IL22RA1: variants seen among roughly 807,000 people sequenced by gnomAD.
The protein encoded by IL22RA1 is interleukin-22 receptor subunit alpha-1.
Under a neutral mutation model 32.8 loss-of-function variants are expected in IL22RA1, and 25 were observed. The ratio of observed to expected loss-of-function variants is 0.76; its 90% CI spans 0.55 to 1.06. IL22RA1 has a LOEUF of 1.06. Ranked by LOEUF, IL22RA1 falls within the 50% of genes least tolerant of loss-of-function variation. IL22RA1 has a pLI of 0.00. For missense variants in IL22RA1, 709 were observed against 727.4 expected, an observed-to-expected ratio of 0.97 and a Z score of 0.29; for synonymous variants, 305 against 305.0, an observed-to-expected ratio of 1.00 and a Z score of 0.00.
At chr1:24,122,382 TG>T (rs1291471799) in intron 6 of IL22RA1, among the ~76,000 whole-genome samples, 1 of 99,452 alleles carries the variant, frequency 1.0e-5, no homozygotes, top group Non-Finnish European at 2.0e-5. Context: ...ATTTTTTGGG[TG>T]GGGGGTGGTT....
At position 24,119,781 on chromosome 1, in the gene IL22RA1, C is replaced by T. The variant is rs72648564; in HGVS notation, c.*1024G>A. 15,969 of 152,290 alleles carry T rather than the reference C, an allele frequency of 0.1. 1,004 individuals carry two copies. Among genetic ancestry groups the T allele is most frequent in the African/African-American group, 0.17 (7,135 of 41,546 alleles). The allele number at this position is 152,290 out of a possible 1,614,324, so 9.4% of individuals were successfully genotyped here. ...AAAAATCACAACAGGAAATAGCTAC[C>T]GTTTATTGGGCACTGCCCATGTACC... On this transcript the variant is annotated 3_prime_UTR_variant, in exon 7 of 7. Coordinates refer to ENST00000270800, the MANE Select transcript of IL22RA1 (RefSeq NM_021258.4).
intron 3 of IL22RA1, 44 bp downstream of exon 3, chr1:24,137,087 C>A: frequency 6.3e-7 from 1 of 1,583,228 alleles, no homozygotes; most frequent in Non-Finnish European, 8.6e-7. Flanking sequence ...AACACCTGCG[C>A]TTTCCTCTTC....
rs1452741661 is a variant in IL22RA1 at position 24,120,175 on chromosome 1, A to G, written c.*630T>C. On this transcript the variant is annotated 3_prime_UTR_variant, in exon 7 of 7. Transcript: ENST00000270800. ...CATTTCGCTTTGTTCTATCAGAGGAATGAAGCTGAAATCGTGCAACGTCAG... is the reference window on the plus strand; with the variant it reads ...CATTTCGCTTTGTTCTATCAGAGGAGTGAAGCTGAAATCGTGCAACGTCAG... 6.6e-6 allele frequency: 1 copy of G among 152,292 alleles called. No individual in the cohort carries two copies. Among genetic ancestry groups the G allele is most frequent in the East Asian group, 1.9e-4 (1 of 5,206 alleles). 9.4% of individuals were successfully genotyped at this position (152,292 alleles called of 1,614,324 possible). A position where few individuals can be genotyped will look rare whatever the true frequency, so the allele number is the denominator to read the frequency against.
intron 3 of IL22RA1, among the ~76,000 whole-genome samples, chr1:24,135,103 A>G (rs2148574329): frequency 6.6e-6 from 1 of 152,260 alleles, no homozygotes; most frequent in East Asian, 1.9e-4. Flanking sequence ...AATAAAATTG[A>G]AAAACTGAGC....
chr1:24,137,332 G>A (rs748319635), intron 2 of IL22RA1, 23 bp from the exon 3 acceptor site: 3 of 1,607,806 alleles, frequency 1.9e-6, no homozygotes, highest in South Asian at 1.1e-5. Flanking sequence ...AAGGGGCCAA[G>A]TCACCGTGGT....
At chr1:24,135,629 C>A (rs986091344) in intron 3 of IL22RA1, among the ~76,000 whole-genome samples, 1 of 152,174 alleles carries the variant, frequency 6.6e-6, no homozygotes, top group African/African-American at 2.4e-5. Context: ...CTCACAGTTC[C>A]ACATGGCTGG....
Position 24,134,230 on chromosome 1 carries a change from AC to A in IL22RA1, c.511del (p.Val171SerfsTer21). Reference sequence around the variant, plus strand: ...ACTCACCATTTGGTAGGTGCGGTTGACCTGGAGCTCTAAGTGGTAGAACAGG... The same window carrying A: ...ACTCACCATTTGGTAGGTGCGGTTGACTGGAGCTCTAAGTGGTAGAACAGG... ...HDLFYHLELQ[V>X]NRTYQMHLGG... On this transcript the variant is annotated frameshift_variant, in exon 4 of 7. Coordinates refer to ENST00000270800, the MANE Select transcript of IL22RA1 (RefSeq NM_021258.4). LOFTEE classifies it high-confidence loss of function. 6.2e-7 allele frequency: 1 copy of A among 1,611,666 alleles called. No individual in the cohort carries two copies. Among genetic ancestry groups the A allele is most frequent in the Non-Finnish European group, 8.5e-7 (1 of 1,178,872 alleles).
intron 5 of IL22RA1, among the ~76,000 whole-genome samples, chr1:24,124,233 G>A (rs765615835): frequency 7.9e-5 from 12 of 152,294 alleles, no homozygotes; most frequent in Middle Eastern, 3.4e-3. Flanking sequence ...TGGTAGGGTA[G>A]AGGCAGAGGG....
Position 24,120,984 on chromosome 1 carries a change from G to A in IL22RA1, c.1546C>T (p.Pro516Ser), listed in dbSNP as rs1344792084. Residue 516 changes from proline to serine, a missense_variant, in exon 7 of 7, where the codon CCT becomes TCT. Pro to Ser is a moderately conservative substitution (Grantham distance 74). Transcript: ENST00000270800. ...GHPMSLPLQP[P>S]SRPCSPSDQG... ...TCCGAGGGGGAACATGGACGGGAAG[G>A]AGGTTGCAAAGGGAGGGACATGGGG... 1.2e-6 allele frequency: 2 copies of A among 1,614,010 alleles called. No homozygotes were observed. Among genetic ancestry groups the A allele is most frequent in the African/African-American group, 1.3e-5 (1 of 74,942 alleles).
chr1:24,131,147 T>C (rs1431240297), intron 4 of IL22RA1, among the ~76,000 whole-genome samples: 1 of 152,230 alleles, frequency 6.6e-6, no homozygotes, highest in Non-Finnish European at 1.5e-5. Flanking sequence ...ATTCTAGATA[T>C]TATTATCTGA....
intron 5 of IL22RA1, among the ~76,000 whole-genome samples, chr1:24,126,028 G>A (rs1455694906): frequency 6.6e-6 from 1 of 152,208 alleles, no homozygotes; most frequent in Non-Finnish European, 1.5e-5. Flanking sequence ...TGTGGGTAAG[G>A]GTGGAGTGGT....
At chr1:24,131,352 G>T (rs1244377521) in intron 4 of IL22RA1, among the ~76,000 whole-genome samples, 2 of 152,180 alleles carry the variant, frequency 1.3e-5, no homozygotes, top group African/African-American at 2.4e-5. Flanking sequence ...TCAAAAAAAG[G>T]TAAAGGCTGT....
chr1:24,134,242 A>G lies in IL22RA1; in HGVS notation c.500T>C (p.Leu167Ser), dbSNP rs1046421372. ...EDIFHDLFYH[L>S]ELQVNRTYQM... ...GTAGGTGCGGTTGACCTGGAGCTCT[A>G]AGTGGTAGAACAGGTCATGGAAGAT... Residue 167 changes from leucine (L) to serine (S), a missense_variant, in exon 4 of 7, where the codon TTA becomes TCA. Physicochemically the swap from Leu to Ser is moderately radical, Grantham distance 145 (BLOSUM62 -2). Transcript: ENST00000270800. 1 of 1,611,738 alleles carries G rather than the reference A, an allele frequency of 6.2e-7. No homozygotes were observed. Among genetic ancestry groups the G allele is most frequent in the African/African-American group, 1.3e-5 (1 of 74,640 alleles).
chr1:24,124,714 C>A (rs1644149506), intron 5 of IL22RA1, among the ~76,000 whole-genome samples: 1 of 152,108 alleles, frequency 6.6e-6, no homozygotes, highest in African/African-American at 2.4e-5. Flanking sequence ...ACCTCTACTT[C>A]TAGCCCACTC....
At chr1:24,142,187 A>G (rs1241644071) in intron 1 of IL22RA1, among the ~76,000 whole-genome samples, 1 of 152,160 alleles carries the variant, frequency 6.6e-6, no homozygotes, top group African/African-American at 2.4e-5. Flanking sequence ...CTGGAGACGC[A>G]GGCAGCCCTG....
At chr1:24,138,865 GGCC>G in intron 1 of IL22RA1, 151 bp from the exon 2 acceptor site, 7 of 884,292 alleles carry the variant, frequency 7.9e-6, no homozygotes, top group Non-Finnish European at 1.0e-5. Context: ...GGGAGACCCT[GGCC>G]CCCAGCCTTC....
intron 5 of IL22RA1, chr1:24,123,649 G>A (rs373626317): frequency 7.7e-6 from 8 of 1,041,968 alleles, no homozygotes; most frequent in South Asian, 7.4e-5. Context: ...TAAAATGTTC[G>A]AGGTTTCCAC....
chr1:24,134,755 G>A (rs965348538), intron 3 of IL22RA1: 2 of 720,226 alleles, frequency 2.8e-6, no homozygotes, highest in Non-Finnish European at 3.4e-6. Flanking sequence ...CAGCTTTGGG[G>A]ATGTCAATGA....
chr1:24,133,804 AT>A (rs1463047361), intron 4 of IL22RA1, among the ~76,000 whole-genome samples: 2 of 152,218 alleles, frequency 1.3e-5, no homozygotes, highest in African/African-American at 4.8e-5. Flanking sequence ...CAAATTGATA[AT>A]ATACCTAATG....
Sources: gnomAD v4.1 joint callset for allele counts (sites outside exome capture counted in the v4.1 genomes callset) on GRCh38, gnomAD v4.1.1 for gene constraint, MANE v1.5 for transcripts, NCBI Gene and HGNC (gene_info 2026-07-23, HGNC 2026-07-21) for gene names.